Variants in XDH observed in about 807,000 individuals in gnomAD.
XDH encodes xanthine dehydrogenase, also known as xanthine dehydrogenase/oxidase.
A neutral mutation model predicts 156.1 loss-of-function variants in XDH; 138 were observed. The observed-to-expected ratio is 0.88, with a 90% CI of 0.77 to 1.02. XDH has a LOEUF of 1.02. Among genes scored for constraint, XDH ranks in the 50% least tolerant of loss-of-function variants. The pLI is 0.00. For missense variants in XDH, 1,849 were observed against 1,684.9 expected, an observed-to-expected ratio of 1.10 and a Z score of -1.71; for synonymous variants, 669 against 625.7, an observed-to-expected ratio of 1.07 and a Z score of -1.03.
chr2:31,375,330 T>C lies in XDH; in HGVS notation c.1602+50A>G, dbSNP rs201014338. On this transcript the variant is annotated intron_variant, in intron 15 of 35. Transcript: ENST00000379416. ...ATTTACTACCCAGACCAACTTCTTA[T>C]ATCCCCAAACATGCTACAGAGAGCC... 1,733 of 1,613,216 alleles carry C rather than the reference T, an allele frequency of 1.1e-3. 2 individuals carry two copies. The highest frequency in any genetic ancestry group is 1.1e-3 in the Non-Finnish European group (1,339 of 1,179,310).
At chr2:31,375,682 T>C (rs1279936806) in intron 14 of XDH, 128 bp from the exon 15 acceptor site, 5 of 1,033,742 alleles carry the variant, frequency 4.8e-6, no homozygotes, top group African/African-American at 3.2e-5. Flanking sequence ...ATACTTAGAG[T>C]TGGGTGACTT....
chr2:31,378,761 A>G (rs1360310207), intron 13 of XDH, among the ~76,000 whole-genome samples: 2 of 151,996 alleles, frequency 1.3e-5, no homozygotes, highest in East Asian at 1.9e-4. Flanking sequence ...CCTTTCTTTC[A>G]TGGAAGGATG....
chr2:31,368,877 T>C (rs1468471320), intron 18 of XDH, among the ~76,000 whole-genome samples: 1 of 152,284 alleles, frequency 6.6e-6, no homozygotes, highest in Non-Finnish European at 1.5e-5. Flanking sequence ...ATTCTGAGTA[T>C]TTAGTACTGG....
intron 21 of XDH, 122 bp from the exon 22 acceptor site, chr2:31,366,231 T>C: frequency 6.4e-7 from 1 of 1,554,734 alleles, no homozygotes; most frequent in Non-Finnish European, 8.8e-7. Flanking sequence ...AATTCCTTGA[T>C]TGAAAATCCC....
At chr2:31,402,268 G>T (rs1687080436) in intron 3 of XDH, among the ~76,000 whole-genome samples, 1 of 152,164 alleles carries the variant, frequency 6.6e-6, no homozygotes, top group African/African-American at 2.4e-5. Context: ...TTGTATAATT[G>T]TAACCAATCA....
At chr2:31,345,025 T>C (rs1685244118) in intron 30 of XDH, among the ~76,000 whole-genome samples, 1 of 152,142 alleles carries the variant, frequency 6.6e-6, no homozygotes, top group Admixed American at 6.5e-5. Context: ...TGCATGTCAC[T>C]ACCCTACTCT....
intron 24 of XDH, among the ~76,000 whole-genome samples, chr2:31,351,475 C>T (rs1019415301): frequency 6.6e-6 from 1 of 152,130 alleles, no homozygotes; most frequent in Non-Finnish European, 1.5e-5. Flanking sequence ...ATTCGCTGCC[C>T]ACTAGATCTG....
At chr2:31,407,710 G>A (rs763393356) in intron 1 of XDH, among the ~76,000 whole-genome samples, 8 of 152,102 alleles carry the variant, frequency 5.3e-5, no homozygotes, top group South Asian at 4.2e-4. Flanking sequence ...TCACCCCGCC[G>A]TCCTGAATTG....
intron 2 of XDH, among the ~76,000 whole-genome samples, chr2:31,405,014 C>T (rs574376476): frequency 5.4e-4 from 83 of 152,332 alleles, no homozygotes; most frequent in African/African-American, 1.9e-3. Context: ...CAGTCCTGCT[C>T]ACAGGCCCCC....
At chr2:31,343,803 A>ACATATATATGCCTAACATATATATGTT (rs566379816) in intron 31 of XDH, among the ~76,000 whole-genome samples, 4,280 of 128,332 alleles carry the variant, frequency 0.033, 74 homozygotes, top group Non-Finnish European at 0.051. Context: ...ATATGTATAA[A>ACATATATATGCCTAACATATATATGTT]CATATATATG....
rs1685143109 is a variant in XDH, at chr2:31,342,238, C to G, written c.3464G>C (p.Ser1155Thr). 2 of 1,614,020 alleles carry G rather than the reference C, an allele frequency of 1.2e-6. No individual in the cohort carries two copies. Among genetic ancestry groups the G allele is most frequent in the South Asian group, 2.2e-5 (2 of 91,084 alleles). ...TNSGNPFHYF[S>T]YGVACSEVEI... ...TACTTCAGAGCAAGCCACCCCATAG[C>G]TGAAGTAGTGGAAGGGGTTCCCTGA... The change falls in exon 32 of 36, where the codon AGC (serine) becomes ACC (threonine). Residue 1155 changes from serine (S) to threonine (T), a missense_variant. Transcript: ENST00000379416.
intron 13 of XDH, among the ~76,000 whole-genome samples, chr2:31,377,565 T>C (rs761735871): frequency 2.6e-5 from 4 of 152,070 alleles, no homozygotes; most frequent in Non-Finnish European, 5.9e-5. Flanking sequence ...AAAGGCTCCT[T>C]AGAGACCCCT....
intron 2 of XDH, 66 bp downstream of exon 2, chr2:31,405,841 T>C (rs1384261085): frequency 6.3e-7 from 1 of 1,583,742 alleles, no homozygotes; most frequent in African/African-American, 1.3e-5. Context: ...GGAAACAATG[T>C]AAGGCCTACA....
At chr2:31,376,714 AC>A (rs1686254368) in intron 14 of XDH, among the ~76,000 whole-genome samples, 1 of 149,926 alleles carries the variant, frequency 6.7e-6, no homozygotes, top group Non-Finnish European at 1.5e-5. Context: ...ATAATGAGTA[AC>A]AGTAGTAATT....
intron 29 of XDH, 124 bp downstream of exon 29, chr2:31,347,398 G>T: frequency 7.0e-7 from 1 of 1,428,582 alleles, no homozygotes; most frequent in Non-Finnish European, 9.6e-7. Context: ...GGATAAGGGA[G>T]CCAGAGGCCT....
chr2:31,349,395 C>T (rs551687575), intron 26 of XDH, among the ~76,000 whole-genome samples: 5 of 152,260 alleles, frequency 3.3e-5, no homozygotes, highest in Middle Eastern at 3.4e-3. Context: ...ATAACTGTGA[C>T]GTGTTAGTCC....
At chr2:31,378,185 A>AGGAAGGAAGGAAGGAT (rs1558696923) in intron 13 of XDH, among the ~76,000 whole-genome samples, 6 of 94,442 alleles carry the variant, frequency 6.4e-5, no homozygotes, top group African/African-American at 2.2e-4. Context: ...GAAGCAAGCA[A>AGGAAGGAAGGAAGGAT]GCAAGCAAAG....
chr2:31,361,619 C>T (rs1202518265), intron 24 of XDH, among the ~76,000 whole-genome samples: 2 of 152,178 alleles, frequency 1.3e-5, no homozygotes, highest in African/African-American at 4.8e-5. Context: ...ATTATACCTA[C>T]AAATCCTTAA....
At chr2:31,357,928 A>C (rs10184437) in intron 24 of XDH, among the ~76,000 whole-genome samples, 106,308 of 151,904 alleles carry the variant, frequency 0.7, 37,353 homozygotes, top group East Asian at 0.78. Context: ...GAGATAGATA[A>C]TTTGAATAGT....
Sources: gnomAD v4.1 joint callset for allele counts (sites outside exome capture counted in the v4.1 genomes callset) on GRCh38, gnomAD v4.1.1 for gene constraint, MANE v1.5 for transcripts, NCBI Gene and HGNC (gene_info 2026-07-23, HGNC 2026-07-21) for gene names.